Variants in RSRC1 observed in about 807,000 individuals in gnomAD.
RSRC1 encodes the protein arginine and serine rich coiled-coil 1, also known as serine/Arginine-related protein 53.
In RSRC1, 39 loss-of-function variants were observed where a neutral mutation model predicts 49.1. The ratio of observed to expected loss-of-function variants is 0.79; its 90% CI spans 0.61 to 1.04. The LOEUF (loss-of-function observed/expected upper bound fraction) is 1.04, where lower values mean the gene tolerates loss of function less well. Ranked by LOEUF, RSRC1 falls within the 50% of genes least tolerant of loss-of-function variation. The pLI is 0.00. For missense variants in RSRC1, 388 were observed against 402.4 expected, an observed-to-expected ratio of 0.96 and a Z score of 0.31; for synonymous variants, 143 against 130.8, an observed-to-expected ratio of 1.09 and a Z score of -0.63.
chr3:158,360,960 G>C (rs1324468573), intron 6 of RSRC1, among the ~76,000 whole-genome samples: 3 of 152,174 alleles, frequency 2.0e-5, no homozygotes, highest in Admixed American at 1.3e-4. Flanking sequence ...GGGGGTTCCA[G>C]GTTCTCACTG....
chr3:158,182,752 C>G (rs950151294), intron 3 of RSRC1, among the ~76,000 whole-genome samples: 1 of 152,092 alleles, frequency 6.6e-6, no homozygotes, highest in African/African-American at 2.4e-5. Context: ...TGTTCTGATA[C>G]GTTTTAAATA....
chr3:158,332,771 G>A (rs945746833), intron 5 of RSRC1, among the ~76,000 whole-genome samples: 7 of 148,032 alleles, frequency 4.7e-5, no homozygotes, highest in African/African-American at 1.7e-4. Flanking sequence ...TTCTATGATA[G>A]CATATTATTT....
chr3:158,272,558 T>C (rs1317762569), intron 4 of RSRC1, among the ~76,000 whole-genome samples: 1 of 152,104 alleles, frequency 6.6e-6, no homozygotes, highest in Non-Finnish European at 1.5e-5. Context: ...TTTAATCTTA[T>C]GTTTTTCAAA....
intron 7 of RSRC1, among the ~76,000 whole-genome samples, chr3:158,497,807 G>C (rs895623268): frequency 6.6e-6 from 1 of 152,140 alleles, no homozygotes; most frequent in Non-Finnish European, 1.5e-5. Flanking sequence ...TACAATGTTT[G>C]GTTTTCCATT....
intron 5 of RSRC1, among the ~76,000 whole-genome samples, chr3:158,315,550 T>C (rs1183478422): frequency 6.6e-6 from 1 of 152,204 alleles, no homozygotes; most frequent in Non-Finnish European, 1.5e-5. Flanking sequence ...GAGCCCATGA[T>C]TTTAGTATAC....
intron 6 of RSRC1, among the ~76,000 whole-genome samples, chr3:158,362,796 T>C (rs1349102641): frequency 6.6e-6 from 1 of 152,222 alleles, no homozygotes; most frequent in East Asian, 1.9e-4. Context: ...TATTATCATC[T>C]TATCCCAAAT....
intron 3 of RSRC1, among the ~76,000 whole-genome samples, chr3:158,177,348 T>C (rs564938922): frequency 2.0e-4 from 30 of 152,308 alleles, no homozygotes; most frequent in African/African-American, 7.0e-4. Flanking sequence ...CACACATATG[T>C]TTATTCTGGC....
At chr3:158,215,126 T>A (rs1231036771) in intron 4 of RSRC1, among the ~76,000 whole-genome samples, 1 of 151,882 alleles carries the variant, frequency 6.6e-6, no homozygotes, top group African/African-American at 2.4e-5. Flanking sequence ...TGCTTTCATC[T>A]TTGTTCTTCA....
chr3:158,364,877 ATTAAT>A (rs1398899567), intron 6 of RSRC1, among the ~76,000 whole-genome samples: 2 of 149,820 alleles, frequency 1.3e-5, no homozygotes, highest in Non-Finnish European at 3.0e-5. Flanking sequence ...TTATAAATAA[ATTAAT>A]TTAATAAAGT....
At chr3:158,255,609 T>C (rs1724499207) in intron 4 of RSRC1, among the ~76,000 whole-genome samples, 1 of 152,214 alleles carries the variant, frequency 6.6e-6, no homozygotes, top group African/African-American at 2.4e-5. Context: ...AAGAAAGTCA[T>C]TGGTAGCTTG....
chr3:158,267,376 T>TAAA (rs1431044119), intron 4 of RSRC1, among the ~76,000 whole-genome samples: 3 of 152,156 alleles, frequency 2.0e-5, no homozygotes, highest in Non-Finnish European at 4.4e-5. Context: ...GCTTTTTGTC[T>TAAA]GTGTAAATAA....
intron 1 of RSRC1, among the ~76,000 whole-genome samples, chr3:158,118,470 C>CGT (rs1715025420): frequency 1.8e-5 from 2 of 110,230 alleles, no homozygotes; most frequent in East Asian, 3.7e-4. Context: ...TGTGCGCGTG[C>CGT]GCGTGGTTTT....
At chr3:158,187,138 A>G (rs904723168) in intron 3 of RSRC1, among the ~76,000 whole-genome samples, 8 of 151,926 alleles carry the variant, frequency 5.3e-5, no homozygotes, top group Admixed American at 1.3e-4. Context: ...AGTTTTCTCA[A>G]AGTAAAAACA....
At chr3:158,426,603 C>T (rs540664329) in intron 6 of RSRC1, among the ~76,000 whole-genome samples, 18 of 151,566 alleles carry the variant, frequency 1.2e-4, no homozygotes, top group South Asian at 8.3e-4. Flanking sequence ...TATTAATTTG[C>T]GTGGTATTAT....
chr3:158,345,480 A>G (rs1730501448), intron 5 of RSRC1, among the ~76,000 whole-genome samples: 2 of 152,166 alleles, frequency 1.3e-5, no homozygotes, highest in African/African-American at 4.8e-5. Flanking sequence ...TTAAGATGTC[A>G]GTTCTCCTCA....
rs1560059558 is a variant in RSRC1, at chr3:158,477,801, TATATA to T, written c.652+16799_652+16803del. The stretch of plus-strand genomic sequence containing the variant: ...TGGGATAGGTTGCGGGAGGGATTTA[TATATA>T]TATATATATATATATATATATGAAA... On this transcript the variant is annotated intron_variant, in intron 7 of 9. Coordinates refer to ENST00000611884, the MANE Select transcript of RSRC1 (RefSeq NM_001271838.2). Among the ~76,000 whole-genome samples, 128 of 80,628 alleles carry T rather than the reference TATATA, an allele frequency of 1.6e-3. 13 individuals carry two copies. The highest frequency in any genetic ancestry group is 0.014 in the South Asian group (40 of 2,762). 52.9% of individuals were successfully genotyped at this position (80,628 alleles called of 152,430 possible).
At chr3:158,176,135 C>T (rs1719199786) in intron 3 of RSRC1, among the ~76,000 whole-genome samples, 1 of 152,114 alleles carries the variant, frequency 6.6e-6, no homozygotes. Flanking sequence ...CAAACCACTG[C>T]TCAATGAAAT....
chr3:158,240,102 T>G (rs569837085), intron 4 of RSRC1, among the ~76,000 whole-genome samples: 16 of 152,184 alleles, frequency 1.1e-4, no homozygotes, highest in Admixed American at 4.6e-4. Flanking sequence ...TTTTAAAATA[T>G]CTTTATAAAA....
At chr3:158,384,025 G>C (rs1732842213) in intron 6 of RSRC1, among the ~76,000 whole-genome samples, 1 of 151,988 alleles carries the variant, frequency 6.6e-6, no homozygotes, top group African/African-American at 2.4e-5. Flanking sequence ...TTTTAGAAAA[G>C]ATTTATGACT....
Sources: allele counts gnomAD v4.1 joint callset (sites outside exome capture counted in the v4.1 genomes callset), GRCh38; gene constraint gnomAD v4.1.1; transcripts MANE v1.5; gene names NCBI Gene and HGNC (gene_info 2026-07-23, HGNC 2026-07-21).